The following CA8 variants were observed in gnomAD, a reference collection of about 807,000 sequenced individuals.
CA8 encodes carbonic anhydrase-related protein.
Under a neutral mutation model 41.4 loss-of-function variants are expected in CA8, and 22 were observed. That is an observed-to-expected ratio of 0.53 (90% CI 0.38 to 0.76). The LOEUF (loss-of-function observed/expected upper bound fraction) is 0.76. Ranked by LOEUF, CA8 falls within the 30% of genes least tolerant of loss-of-function variation. The pLI is 0.00. For missense variants in CA8, 270 were observed against 352.8 expected (o/e 0.77, Z 1.88); for synonymous variants, 121 against 130.6 (o/e 0.93, Z 0.50).
chr8:60,256,860 T>C (rs1279255843), intron 3 of CA8, among the ~76,000 whole-genome samples: 4 of 152,176 alleles, frequency 2.6e-5, no homozygotes, highest in Non-Finnish European at 5.9e-5. Context: ...AAATACAATA[T>C]ATTCGACTAA....
chr8:60,239,662 G>A (rs868343849), intron 3 of CA8, among the ~76,000 whole-genome samples: 6 of 152,122 alleles, frequency 3.9e-5, no homozygotes, highest in South Asian at 2.1e-4. Context: ...GGATTGATAC[G>A]GTTTGGCTGT....
chr8:60,256,408 A>G (rs1034213254), intron 3 of CA8, among the ~76,000 whole-genome samples: 6 of 152,194 alleles, frequency 3.9e-5, no homozygotes, highest in African/African-American at 1.2e-4. Flanking sequence ...CCATGTCAGA[A>G]AAAGGTCCAG....
At chr8:60,191,417 G>A (rs1030762655) in intron 8 of CA8, among the ~76,000 whole-genome samples, 1 of 151,930 alleles carries the variant, frequency 6.6e-6, no homozygotes. Flanking sequence ...AAATAACCTG[G>A]GGTCCAGTGT....
At chr8:60,273,967 A>G (rs1375149718) in intron 2 of CA8, among the ~76,000 whole-genome samples, 2 of 152,236 alleles carry the variant, frequency 1.3e-5, no homozygotes, top group Non-Finnish European at 2.9e-5. Context: ...TTAAGCATTT[A>G]AATTATACTA....
chr8:60,230,423 T>C (rs1807602572), intron 4 of CA8, among the ~76,000 whole-genome samples: 1 of 152,208 alleles, frequency 6.6e-6, no homozygotes, highest in Admixed American at 6.5e-5. Flanking sequence ...AAAGATTCAC[T>C]GGACATCATC....
rs143035055 is a variant in CA8 at position 60,200,647 on chromosome 8, A to G, written c.*35+8103T>C. On this transcript the variant is annotated intron_variant, in intron 8 of 8. Transcript: ENST00000317995. Reference sequence around the variant, plus strand: ...AATGTAGATCAGTTTTCCAGGGCCCATTTTTAAAAGACTTCATATAAATAG... The same window carrying G: ...AATGTAGATCAGTTTTCCAGGGCCCGTTTTTAAAAGACTTCATATAAATAG... Among the ~76,000 whole-genome samples the G allele has an allele frequency of 1.8e-4, 28 of 152,286 alleles. 1 individual carries two copies. Among genetic ancestry groups the G allele is most frequent in the African/African-American group, 5.5e-4 (23 of 41,554 alleles).
At chr8:60,212,259 T>C (rs1806861539) in intron 7 of CA8, among the ~76,000 whole-genome samples, 1 of 152,222 alleles carries the variant, frequency 6.6e-6, no homozygotes, top group South Asian at 2.1e-4. Flanking sequence ...TCTTTATTAA[T>C]GCATTCAAAG....
At chr8:60,277,412 G>A (rs1804276203) in intron 2 of CA8, among the ~76,000 whole-genome samples, 1 of 151,908 alleles carries the variant, frequency 6.6e-6, no homozygotes, top group Admixed American at 6.6e-5. Context: ...GGAGAGCAAT[G>A]GCGCAATCTC....
intron 8 of CA8, among the ~76,000 whole-genome samples, chr8:60,193,819 G>T (rs73243917): frequency 0.095 from 14,419 of 152,122 alleles, 1,539 homozygotes; most frequent in African/African-American, 0.26. Flanking sequence ...CTTTCCATTT[G>T]TAACTTTATG....
intron 3 of CA8, among the ~76,000 whole-genome samples, chr8:60,246,755 C>T (rs764876264): frequency 6.6e-6 from 1 of 151,742 alleles, no homozygotes; most frequent in Non-Finnish European, 1.5e-5. Context: ...TACAGAGGTA[C>T]AGCTACTATC....
At chr8:60,231,140 T>C (rs1807633766) in intron 4 of CA8, among the ~76,000 whole-genome samples, 1 of 152,184 alleles carries the variant, frequency 6.6e-6, no homozygotes, top group African/African-American at 2.4e-5. Context: ...ATTATCAAAA[T>C]ATATTTGTAT....
chr8:60,274,321 G>C (rs7825247), intron 2 of CA8, among the ~76,000 whole-genome samples: 91,826 of 152,008 alleles, frequency 0.6, 28,793 homozygotes, highest in African/African-American at 0.79. Flanking sequence ...TGGAGAACAA[G>C]AGCAAAAGAG....
At chr8:60,215,950 A>G (rs944678972) in intron 7 of CA8, among the ~76,000 whole-genome samples, 1 of 152,262 alleles carries the variant, frequency 6.6e-6, no homozygotes, top group Non-Finnish European at 1.5e-5. Flanking sequence ...AATAATATTC[A>G]GCAGCTTAAT....
Position 60,186,107 on chromosome 8 carries a change from T to C in CA8, c.*3914A>G, listed in dbSNP as rs144213445. ...ACAAAATGAACATAACCAGAAATGG[T>C]AAATTAAAAGCTTACTAGAAGAAAC... On this transcript the variant is annotated 3_prime_UTR_variant, in exon 9 of 9. Transcript: ENST00000317995. 4.6e-3 allele frequency among the ~76,000 whole-genome samples: 697 copies of C among 152,182 alleles called. 6 individuals carry two copies. The highest frequency in any genetic ancestry group is 6.4e-3 in the Non-Finnish European group (436 of 67,930).
chr8:60,211,143 T>C (rs1335793429), intron 7 of CA8, among the ~76,000 whole-genome samples: 1 of 152,090 alleles, frequency 6.6e-6, no homozygotes, highest in Non-Finnish European at 1.5e-5. Flanking sequence ...ATAACAGACA[T>C]AATAATAACA....
intron 2 of CA8, 143 bp downstream of exon 2, chr8:60,279,546 T>C: frequency 2.8e-6 from 2 of 702,024 alleles, no homozygotes; most frequent in Non-Finnish European, 4.8e-6. Flanking sequence ...TTCCCAAAAA[T>C]GCTTTATATT....
intron 3 of CA8, among the ~76,000 whole-genome samples, chr8:60,251,322 T>C (rs1029652143): frequency 6.6e-6 from 1 of 152,224 alleles, no homozygotes; most frequent in Non-Finnish European, 1.5e-5. Flanking sequence ...TCATCTACTC[T>C]TTTGCCCATC....
chr8:60,258,032 G>T (rs1803607031), intron 3 of CA8, among the ~76,000 whole-genome samples: 1 of 152,168 alleles, frequency 6.6e-6, no homozygotes, highest in African/African-American at 2.4e-5. Context: ...TAAATTCTGA[G>T]TAGTGTGATG....
At chr8:60,237,961 A>G (rs73245653) in intron 3 of CA8, among the ~76,000 whole-genome samples, 15,813 of 152,214 alleles carry the variant, frequency 0.1, 2,267 homozygotes, top group African/African-American at 0.33. Flanking sequence ...CTGTTAAAAA[A>G]TCGGACCACA....
Sources: allele counts gnomAD v4.1 joint callset (sites outside exome capture counted in the v4.1 genomes callset), GRCh38; gene constraint gnomAD v4.1.1; transcripts MANE v1.5; gene names NCBI Gene and HGNC (gene_info 2026-07-23, HGNC 2026-07-21).